Variants in FGF12 observed in about 807,000 individuals in gnomAD.
The protein encoded by FGF12 is fibroblast growth factor 12.
In FGF12, 14 loss-of-function variants were observed where a neutral mutation model predicts 23.6. That is an observed-to-expected ratio of 0.59 (90% CI 0.39 to 0.93). The LOEUF (loss-of-function observed/expected upper bound fraction) is 0.93. Among genes scored for constraint, FGF12 ranks in the 40% least tolerant of loss-of-function variants. FGF12 has a pLI of 0.00. For missense variants in FGF12, 175 were observed against 217.8 expected (o/e 0.80, Z 1.24); for synonymous variants, 62 against 77.3 (o/e 0.80, Z 1.04).
At chr3:192,477,351 A>G (rs566729970) in intron 2 of FGF12, among the ~76,000 whole-genome samples, 5 of 152,316 alleles carry the variant, frequency 3.3e-5, no homozygotes, top group Admixed American at 1.3e-4. Context: ...GGAAGAAAGC[A>G]GAGGTGGGAG....
At chr3:192,338,567 C>A (rs923962170) in intron 3 of FGF12, among the ~76,000 whole-genome samples, 7 of 152,080 alleles carry the variant, frequency 4.6e-5, no homozygotes, top group African/African-American at 1.4e-4. Context: ...TTGCCTATTG[C>A]TGTTTGAATG....
intron 4 of FGF12, among the ~76,000 whole-genome samples, chr3:192,249,346 G>A (rs768024912): frequency 6.6e-6 from 1 of 152,134 alleles, no homozygotes; most frequent in Admixed American, 6.6e-5. Context: ...CTCGATAAAC[G>A]TGTGTAAAAG....
chr3:192,407,697 G>A (rs1229299778), intron 2 of FGF12, among the ~76,000 whole-genome samples: 1 of 116,344 alleles, frequency 8.6e-6, no homozygotes, highest in Non-Finnish European at 1.8e-5. Flanking sequence ...GAGCGGGAGA[G>A]AGAGAGAAGA....
intron 2 of FGF12, among the ~76,000 whole-genome samples, chr3:192,692,555 A>G (rs1717975671): frequency 6.6e-6 from 1 of 151,926 alleles, no homozygotes; most frequent in South Asian, 2.1e-4. Flanking sequence ...AAATACAAAA[A>G]TTAGCCAGGT....
intron 2 of FGF12, among the ~76,000 whole-genome samples, chr3:192,683,141 G>A (rs552756290): frequency 1.3e-4 from 20 of 152,274 alleles, no homozygotes; most frequent in Non-Finnish European, 2.6e-4. Flanking sequence ...AGGGTCATGG[G>A]AAATCCCCTT....
intron 2 of FGF12, among the ~76,000 whole-genome samples, chr3:192,650,602 T>C (rs539263664): frequency 1.3e-5 from 2 of 152,296 alleles, no homozygotes; most frequent in African/African-American, 2.4e-5. Flanking sequence ...TTTTAGTCTG[T>C]CTATAAGTTT....
chr3:192,238,212 G>C (rs1345337409), intron 4 of FGF12: 1 of 152,470 alleles, frequency 6.6e-6, no homozygotes, highest in Non-Finnish European at 1.5e-5. Flanking sequence ...AGGTGCTGAG[G>C]TGTTCCCAGT....
chr3:192,452,925 AT>A (rs1340468765), intron 2 of FGF12, among the ~76,000 whole-genome samples: 2 of 152,050 alleles, frequency 1.3e-5, no homozygotes, highest in Non-Finnish European at 2.9e-5. Context: ...ATACATGCAT[AT>A]TTTTTATTAA....
At chr3:192,393,572 G>C (rs1240390325) in intron 2 of FGF12, among the ~76,000 whole-genome samples, 1 of 151,958 alleles carries the variant, frequency 6.6e-6, no homozygotes, top group Non-Finnish European at 1.5e-5. Flanking sequence ...AGATAAAACT[G>C]AATTTTCCTG....
chr3:192,710,642 T>C (rs747930532), intron 2 of FGF12, among the ~76,000 whole-genome samples: 29 of 152,182 alleles, frequency 1.9e-4, no homozygotes, highest in Non-Finnish European at 3.2e-4. Context: ...GGGTAAATTA[T>C]GCAAAAATGG....
At chr3:192,665,259 A>T (rs1419839959) in intron 2 of FGF12, among the ~76,000 whole-genome samples, 1 of 152,226 alleles carries the variant, frequency 6.6e-6, no homozygotes. Flanking sequence ...TATGAAAAAA[A>T]TCAACTTCAT....
chr3:192,451,296 C>G (rs1347052293), intron 2 of FGF12, among the ~76,000 whole-genome samples: 5 of 152,190 alleles, frequency 3.3e-5, no homozygotes, highest in Non-Finnish European at 4.4e-5. Context: ...TTCCAACACT[C>G]TCTTTGTTCT....
At chr3:192,542,027 CA>C (rs1425375602) in intron 2 of FGF12, among the ~76,000 whole-genome samples, 1 of 128,268 alleles carries the variant, frequency 7.8e-6, no homozygotes, top group East Asian at 2.0e-4. Context: ...CCATGCCTGG[CA>C]TTTTTTTTTT....
chr3:192,548,747 T>C (rs140529695), intron 2 of FGF12, among the ~76,000 whole-genome samples: 1 of 152,292 alleles, frequency 6.6e-6, no homozygotes, highest in East Asian at 1.9e-4. Context: ...CCAGTTGTAG[T>C]GTTATATCCC....
At chr3:192,197,388 C>T (rs1458855635) in intron 4 of FGF12, among the ~76,000 whole-genome samples, 5 of 151,838 alleles carry the variant, frequency 3.3e-5, no homozygotes, top group South Asian at 2.1e-4. Context: ...ACGAAGTCTG[C>T]GTTATATGAA....
At chr3:192,650,281 A>G (rs1045975490) in intron 2 of FGF12, among the ~76,000 whole-genome samples, 1 of 152,194 alleles carries the variant, frequency 6.6e-6, no homozygotes, top group Admixed American at 6.5e-5. Context: ...CTCAGTTTCT[A>G]CTACCAACCT....
Position 192,144,039 on chromosome 3 carries a change from T to C in FGF12, c.516A>G (p.Gly172=). ...TTGAATCTTGATTCACAACTTTGCC[T>C]CCATTCATGGTTGGTGTTCCAGAAC... ...RKSSGTPTMN[G]GKVVNQDST Residue 172 remains glycine (G), a synonymous_variant, in exon 6 of 6, where the codon GGA becomes GGG. Coordinates refer to ENST00000445105, the MANE Select transcript of FGF12 (RefSeq NM_004113.6). 2 of 1,612,916 alleles carry C rather than the reference T, an allele frequency of 1.2e-6. No individual in the cohort carries two copies. Among genetic ancestry groups the C allele is most frequent in the Non-Finnish European group, 1.7e-6 (2 of 1,178,934 alleles).
chr3:192,305,666 GA>G (rs10663137), intron 4 of FGF12, among the ~76,000 whole-genome samples: 17,938 of 125,060 alleles, frequency 0.14, 1,332 homozygotes, highest in East Asian at 0.28. Context: ...GGTGGCTTAG[GA>G]AAAAAAAAAA....
chr3:192,413,176 C>A (rs1291946564), intron 2 of FGF12, among the ~76,000 whole-genome samples: 1 of 152,120 alleles, frequency 6.6e-6, no homozygotes, highest in African/African-American at 2.4e-5. Context: ...ATTCATAGGC[C>A]AAGTCTTTCA....
Sources: allele counts gnomAD v4.1 joint callset (sites outside exome capture counted in the v4.1 genomes callset), GRCh38; gene constraint gnomAD v4.1.1; transcripts MANE v1.5; gene names NCBI Gene and HGNC (gene_info 2026-07-23, HGNC 2026-07-21).